The following CACTIN variants were observed in gnomAD, a reference collection of about 807,000 sequenced individuals.
CACTIN encodes the protein cactin, spliceosome C complex subunit.
Under a neutral mutation model 84.9 loss-of-function variants are expected in CACTIN, and 20 were observed. The ratio of observed to expected loss-of-function variants is 0.24; its 90% CI spans 0.17 to 0.34. The LOEUF (loss-of-function observed/expected upper bound fraction) is 0.34, where lower values mean the gene tolerates loss of function less well. CACTIN is among the 10% of genes least tolerant of loss of function. The pLI is 1.00. For missense variants in CACTIN, 897 were observed against 1,117.2 expected (o/e 0.80, Z 2.81); for synonymous variants, 549 against 467.9 (o/e 1.17, Z -2.24).
intron 6 of CACTIN, 89 bp from the exon 7 acceptor site, chr19:3,614,678 G>T (rs753385521): frequency 8.4e-6 from 9 of 1,073,640 alleles, no homozygotes; most frequent in Non-Finnish European, 1.2e-5. Context: ...GCCATGGGGG[G>T]GTCCCCCTCC....
rs1323167115 is a variant in CACTIN, at chr19:3,613,104, C to T, written c.1740G>A (p.Glu580=). 4 of 1,600,284 alleles carry T rather than the reference C, an allele frequency of 2.5e-6. No homozygotes were observed. The highest frequency in any genetic ancestry group is 2.7e-5 in the African/African-American group (2 of 74,886). ...GCGAGAGCTGCAGGCGCTGCAGGTC[C>T]TCATCCGGTTCCAGCACGTGCGCGT... ...PLDAHVLEPD[E]DLQRLQLSRQ... The change falls in exon 9 of 10, where the codon GAG becomes GAA. Residue 580 remains glutamate (E), a synonymous_variant. Coordinates refer to ENST00000429344, the MANE Select transcript of CACTIN (RefSeq NM_001080543.2).
rs2033087776 is a variant in CACTIN, at chr19:3,615,620, C to G, written c.1163-1031G>C. 6.6e-6 allele frequency: 1 copy of G among 152,524 alleles called. No homozygotes were observed. The highest frequency in any genetic ancestry group is 2.1e-4 in the South Asian group (1 of 4,836). 9.4% of individuals were successfully genotyped at this position (152,524 alleles called of 1,614,324 possible). On this transcript the variant is annotated intron_variant, in intron 6 of 9. Coordinates refer to ENST00000429344, the MANE Select transcript of CACTIN (RefSeq NM_001080543.2). This position sits in a 1 kb window ranked among gnomAD's most constrained non-coding sequence, Gnocchi z 5.2. The stretch of plus-strand genomic sequence containing the variant: ...TTCCCGAGGCGGGCAATGGGGCTGG[C>G]TGCTGCTGTTCCCTGTGCCATGCTG...
At chr19:3,620,090 A>C in intron 4 of CACTIN, 37 bp downstream of exon 4, 1 of 1,604,020 alleles carries the variant, frequency 6.2e-7, no homozygotes, top group Non-Finnish European at 8.5e-7. Context: ...CCCTGGCTCC[A>C]AGTCTGGGTC....
At chr19:3,625,321 A>C (rs2033311494) in intron 1 of CACTIN, among the ~76,000 whole-genome samples, 1 of 152,246 alleles carries the variant, frequency 6.6e-6, no homozygotes, top group Non-Finnish European at 1.5e-5. Flanking sequence ...TATTGGCCAC[A>C]AGTTCAACTG....
In CACTIN at chr19:3,613,621, C is replaced by G. The variant is rs748804157; in HGVS notation, c.1356-35G>C. Reference sequence around the variant, plus strand: ...AGAGCCGGGGTCACCCGCATGGAGGCGAAGGGGCTCCGCGCCCCACCCCCA... The same window carrying G: ...AGAGCCGGGGTCACCCGCATGGAGGGGAAGGGGCTCCGCGCCCCACCCCCA... On this transcript the variant is annotated intron_variant, in intron 7 of 9. Coordinates refer to ENST00000429344, the MANE Select transcript of CACTIN (RefSeq NM_001080543.2). 8 of 1,579,524 alleles carry G rather than the reference C, an allele frequency of 5.1e-6. No homozygotes were observed. In the African/African-American group the frequency reaches 6.7e-5, roughly 13 times the overall value.
intron 2 of CACTIN, among the ~76,000 whole-genome samples, chr19:3,621,786 G>A (rs578074285): frequency 1.1e-4 from 17 of 152,332 alleles, no homozygotes; most frequent in South Asian, 1.0e-3. Context: ...GAGGCCTGAC[G>A]GAAGAGAACA....
chr19:3,625,200 G>C (rs967373544), intron 1 of CACTIN, among the ~76,000 whole-genome samples: 3 of 152,086 alleles, frequency 2.0e-5, no homozygotes, highest in African/African-American at 7.2e-5. Context: ...TCACGTTTAG[G>C]GGTCTTTGTA....
Position 3,620,752 on chromosome 19 carries a change from C to T in CACTIN, c.693G>A (p.Glu231=). 1 of 1,613,580 alleles carries T rather than the reference C, an allele frequency of 6.2e-7. No individual in the cohort carries two copies. Among genetic ancestry groups the T allele is most frequent in the Non-Finnish European group, 8.5e-7 (1 of 1,179,900 alleles). ...TGTCCTCCTGGATCCTCTTGTTCCG[C>T]TCCTTCAGCTCCTTCTCCTCCAGGT... ...ISHLEEKELK[E]RNKRIQEDNR... Residue 231 remains glutamate (E), a synonymous_variant, in exon 3 of 10, where the codon GAG becomes GAA. Coordinates refer to ENST00000429344, the MANE Select transcript of CACTIN (RefSeq NM_001080543.2).
intron 1 of CACTIN, 56 bp downstream of exon 1, chr19:3,626,540 C>G (rs770322726): frequency 3.2e-4 from 415 of 1,308,664 alleles, no homozygotes; most frequent in Non-Finnish European, 4.0e-4. Flanking sequence ...AACCCTCGGT[C>G]GGGCGCTCCT....
intron 2 of CACTIN, among the ~76,000 whole-genome samples, chr19:3,622,569 G>A (rs867417309): frequency 3.3e-5 from 5 of 152,166 alleles, no homozygotes; most frequent in South Asian, 4.1e-4. Flanking sequence ...CGGGTTCTGC[G>A]GCTGCAAGCC....
At chr19:3,614,766 G>A (rs867160806) in intron 6 of CACTIN, 177 bp from the exon 7 acceptor site, 61 of 621,678 alleles carry the variant, frequency 9.8e-5, no homozygotes, top group African/African-American at 6.6e-4. Context: ...TGGCCACAGC[G>A]GAGGGGAGGG....
rs745330695 is a variant in CACTIN at position 3,614,402 on chromosome 19, C to T, written c.1350G>A (p.Arg450=). The change falls in exon 7 of 10, where the codon CGG becomes CGA. Residue 450 remains arginine, a synonymous_variant. Coordinates refer to ENST00000429344, the MANE Select transcript of CACTIN (RefSeq NM_001080543.2). ...LLQQLRAHMA[R]ARLRERHQDV... ...TACCCGCACCTAGTGCTCACCGGGC[C>T]CGTGCCATGTGGGCACGAAGCTGCT... 2 of 1,573,098 alleles carry T rather than the reference C, an allele frequency of 1.3e-6. No individual in the cohort carries two copies. The highest frequency in any genetic ancestry group is 8.6e-7 in the Non-Finnish European group (1 of 1,159,398).
intron 6 of CACTIN, chr19:3,616,244 C>G (rs2033104660): frequency 2.0e-5 from 3 of 152,260 alleles, no homozygotes; most frequent in Admixed American, 2.0e-4. Context: ...TACTGCACAA[C>G]CTCCTGTAGG....
intron 1 of CACTIN, among the ~76,000 whole-genome samples, chr19:3,625,607 T>C (rs2033317184): frequency 6.6e-6 from 1 of 152,206 alleles, no homozygotes; most frequent in African/African-American, 2.4e-5. Context: ...AACAAGCACC[T>C]GTAACCCCAG....
chr19:3,622,223 G>C (rs1295145393), intron 2 of CACTIN, among the ~76,000 whole-genome samples: 1 of 152,044 alleles, frequency 6.6e-6, no homozygotes, highest in East Asian at 1.9e-4. Context: ...AATTAGCTGA[G>C]TGTGGTGGCA....
chr19:3,618,355 G>A (rs1201054500), intron 6 of CACTIN, among the ~76,000 whole-genome samples: 4 of 152,264 alleles, frequency 2.6e-5, no homozygotes, highest in Non-Finnish European at 2.9e-5. Flanking sequence ...GGCCCAGCCC[G>A]CATGTCCGCA....
intron 1 of CACTIN, 25 bp downstream of exon 1, chr19:3,626,571 A>C: frequency 2.1e-6 from 3 of 1,404,808 alleles, no homozygotes; most frequent in Non-Finnish European, 2.8e-6. Context: ...CCGGATCCCC[A>C]GCGCTGCTCC....
Position 3,619,112 on chromosome 19 carries a change from C to A in CACTIN, c.1015G>T (p.Ala339Ser). 1 of 1,581,350 alleles carries A rather than the reference C, an allele frequency of 6.3e-7. No homozygotes were observed. Among genetic ancestry groups the A allele is most frequent in the Non-Finnish European group, 8.6e-7 (1 of 1,164,478 alleles). ...TCCTCCAGCAGGTCCTCCATGTCGG[C>A]CACGGTGAGGCCGTTGAGGAACGTG... ...PYTFLNGLTV[A>S]DMEDLLEDIQ... is the part of the protein sequence containing the mutation. Residue 339 changes from alanine (A) to serine (S), a missense_variant, in exon 5 of 10, where the codon GCC (alanine) becomes TCC (serine). Physicochemically the swap from Ala to Ser is moderately conservative, Grantham distance 99. Transcript: ENST00000429344.
At chr19:3,619,788 G>A (rs1430505059) in intron 4 of CACTIN, among the ~76,000 whole-genome samples, 1 of 152,168 alleles carries the variant, frequency 6.6e-6, no homozygotes, top group African/African-American at 2.4e-5. Context: ...CCCAAGGCAA[G>A]CAGGGACACC....
Sources: allele counts gnomAD v4.1 joint callset (sites outside exome capture counted in the v4.1 genomes callset), GRCh38; gene constraint gnomAD v4.1.1; non-coding constraint Gnocchi (gnomAD v3.1); transcripts MANE v1.5; gene names NCBI Gene and HGNC (gene_info 2026-07-23, HGNC 2026-07-21).